SYNE2: variants seen among roughly 807,000 people sequenced by gnomAD.
The protein encoded by SYNE2 is nesprin-2.
SYNE2 carries 431 observed loss-of-function variants against 856.3 expected under a neutral mutation model. The ratio of observed to expected loss-of-function variants is 0.50; its 90% CI spans 0.47 to 0.55. The LOEUF (loss-of-function observed/expected upper bound fraction) is 0.55. Among genes scored for constraint, SYNE2 ranks in the 20% least tolerant of loss-of-function variants. SYNE2 has a pLI of 0.00. For synonymous variants in SYNE2, 2,923 were observed against 2,872.3 expected, an observed-to-expected ratio of 1.02 and a Z score of -0.56; for missense variants, 8,129 against 8,023.2, an observed-to-expected ratio of 1.01 and a Z score of -0.50.
In SYNE2 at chr14:64,199,516, G is replaced by A. The variant is rs529145606; in HGVS notation, c.18039-3285G>A. ...GTGGATCACTTGAGGTCAGGAGTTCGAGACCAGCCTGGCCAACATGGGGAA... is the reference window on the plus strand; with the variant it reads ...GTGGATCACTTGAGGTCAGGAGTTCAAGACCAGCCTGGCCAACATGGGGAA... On this transcript the variant is annotated intron_variant, in intron 99 of 115. Transcript: ENST00000555002. Among the ~76,000 whole-genome samples, 6 of 152,088 alleles carry A rather than the reference G, an allele frequency of 3.9e-5. No individual in the cohort carries two copies. The South Asian group carries it at 8.3e-4, about 21-fold the overall frequency.
chr14:64,052,687 A>G lies in SYNE2; in HGVS notation c.8774A>G (p.Asn2925Ser). 1.2e-6 allele frequency: 2 copies of G among 1,613,914 alleles called. No individual in the cohort carries two copies. Among genetic ancestry groups the G allele is most frequent in the Non-Finnish European group, 1.7e-6 (2 of 1,179,898 alleles). ...DQLKNLKIRTNRIQRFIQNTC... is the reference protein window; with the variant it reads ...DQLKNLKIRTSRIQRFIQNTC... ...TTGAAAAATCTTAAGATTAGGACCA[A>G]CAGAATACAAAGATTCATTCAGAAT... Residue 2925 changes from asparagine to serine, a missense_variant, in exon 48 of 116, where the codon AAC (asparagine) becomes AGC (serine). By Grantham distance (46) the Asn-to-Ser change is conservative. Transcript: ENST00000555002.
At chr14:64,136,221 C>T (rs747197019) in intron 78 of SYNE2, among the ~76,000 whole-genome samples, 4 of 141,670 alleles carry the variant, frequency 2.8e-5, no homozygotes, top group African/African-American at 8.0e-5. Context: ...ACCCGGGAGT[C>T]GGAGGCTGCA....
intron 1 of SYNE2, among the ~76,000 whole-genome samples, chr14:63,810,222 CAA>C (rs1258802316): frequency 9.5e-5 from 10 of 105,742 alleles, no homozygotes; most frequent in African/African-American, 1.1e-4. Context: ...GACTCTTTCT[CAA>C]AAAAAAAAAA....
At chr14:64,129,677 T>G (rs1250859454) in intron 74 of SYNE2, 105 bp from the exon 75 acceptor site, 1 of 1,534,170 alleles carries the variant, frequency 6.5e-7, no homozygotes, top group Non-Finnish European at 8.8e-7. Flanking sequence ...GGATTTTTGC[T>G]TTTCCCTTCA....
intron 43 of SYNE2, among the ~76,000 whole-genome samples, chr14:64,028,976 A>G (rs2097006630): frequency 6.6e-6 from 1 of 152,100 alleles, no homozygotes; most frequent in African/African-American, 2.4e-5. Context: ...TCTCTACTAA[A>G]AATACAAAAA....
intron 1 of SYNE2, among the ~76,000 whole-genome samples, chr14:63,786,869 T>A (rs752062053): frequency 6.6e-5 from 10 of 152,134 alleles, no homozygotes; most frequent in Non-Finnish European, 1.5e-4. Context: ...GCTCAAGTGA[T>A]CCTCCCACCT....
chr14:64,107,255 T>C (rs541114462), intron 64 of SYNE2, among the ~76,000 whole-genome samples: 1 of 152,338 alleles, frequency 6.6e-6, no homozygotes, highest in South Asian at 2.1e-4. Context: ...TTCTCTAGAT[T>C]GTTTATGTGC....
chr14:64,138,977 G>GTGTGTA (rs1308599845), intron 79 of SYNE2, among the ~76,000 whole-genome samples: 8 of 134,592 alleles, frequency 5.9e-5, no homozygotes, highest in African/African-American at 2.4e-4. Flanking sequence ...GTGTGTGTGT[G>GTGTGTA]TGTATGTAAT....
intron 82 of SYNE2, 112 bp from the exon 83 acceptor site, chr14:64,143,660 G>T: frequency 9.0e-7 from 1 of 1,104,992 alleles, no homozygotes. Context: ...CCTGACAGGT[G>T]CCCCTTGATT....
chr14:63,977,424 G>A (rs1349211433), intron 12 of SYNE2, among the ~76,000 whole-genome samples: 1 of 152,152 alleles, frequency 6.6e-6, no homozygotes, highest in Non-Finnish European at 1.5e-5. Context: ...GTGTCAGCCA[G>A]GATGGTCTCA....
At chr14:63,980,556 ACT>A (rs1017526361) in intron 14 of SYNE2, 96 bp from the exon 15 acceptor site, 10 of 789,630 alleles carry the variant, frequency 1.3e-5, no homozygotes, top group African/African-American at 5.2e-5. Context: ...AAATTTGGTA[ACT>A]CTGTCCTTCG....
At chr14:64,049,311 T>G (rs1484914089) in intron 46 of SYNE2, 2 of 157,266 alleles carry the variant, frequency 1.3e-5, no homozygotes, top group African/African-American at 4.8e-5. Flanking sequence ...ATTATCTGGG[T>G]GTGGTGACAT....
Position 63,986,469 on chromosome 14 carries a change from A to C in SYNE2, c.2165A>C (p.His722Pro). The C allele has an allele frequency of 6.2e-7, 1 of 1,614,150 alleles. No homozygotes were observed. Among genetic ancestry groups the C allele is most frequent in the Non-Finnish European group, 8.5e-7 (1 of 1,180,006 alleles). ...YNQNIKAGEK[H>P]EKENEEFTGQ... ...TGAATGTTGTAGGCTGGAGAGAAACATGAAAAAGAAAATGAAGAATTCACA... is the reference window on the plus strand; with the variant it reads ...TGAATGTTGTAGGCTGGAGAGAAACCTGAAAAAGAAAATGAAGAATTCACA... Residue 722 changes from histidine (H) to proline (P), a missense_variant, in exon 19 of 116, where the codon CAT (histidine) becomes CCT (proline). Around this residue, in one of 3 missense-constraint regions of SYNE2, gnomAD observed 2,422 missense variants for 2,357.4 expected, o/e 1.03. Transcript: ENST00000555002.
chr14:64,001,929 C>T lies in SYNE2; in HGVS notation c.3639-5C>T. 1.2e-6 allele frequency: 2 copies of T among 1,614,078 alleles called. No homozygotes were observed. The highest frequency in any genetic ancestry group is 1.1e-5 in the South Asian group (1 of 91,080). Reference sequence around the variant, plus strand: ...CCCCTCATGTCTGATTTACCTTGCACCCAGAATGGAATCTTTAGAGACAGC... The same window carrying T: ...CCCCTCATGTCTGATTTACCTTGCATCCAGAATGGAATCTTTAGAGACAGC... On this transcript the variant is annotated splice_region_variant and splice_polypyrimidine_tract_variant and intron_variant, in intron 28 of 115. Coordinates refer to ENST00000555002, the MANE Select transcript of SYNE2 (RefSeq NM_182914.3).
intron 8 of SYNE2, among the ~76,000 whole-genome samples, chr14:63,961,303 C>T (rs569077036): frequency 6.6e-6 from 1 of 152,266 alleles, no homozygotes; most frequent in Admixed American, 6.5e-5. Context: ...CATACTAGTG[C>T]CAGGATTTAA....
intron 1 of SYNE2, among the ~76,000 whole-genome samples, chr14:63,806,720 T>G (rs913313397): frequency 1.3e-5 from 2 of 152,122 alleles, no homozygotes; most frequent in African/African-American, 4.8e-5. Flanking sequence ...TTTTTAAAAT[T>G]TAACAAATCT....
intron 6 of SYNE2, among the ~76,000 whole-genome samples, chr14:63,944,300 AT>A (rs1264484947): frequency 4.7e-5 from 7 of 147,664 alleles, no homozygotes; most frequent in East Asian, 2.0e-4. Context: ...ATATATATAT[AT>A]ATATATAAAT....
At chr14:63,814,997 C>G (rs1226500601) in intron 1 of SYNE2, among the ~76,000 whole-genome samples, 1 of 62,320 alleles carries the variant, frequency 1.6e-5, no homozygotes, top group African/African-American at 5.0e-5. Flanking sequence ...TATATACATC[C>G]ATATATATCC....
At chr14:63,943,613 GAGAA>G (rs971327077) in intron 6 of SYNE2, among the ~76,000 whole-genome samples, 1 of 151,810 alleles carries the variant, frequency 6.6e-6, no homozygotes. Flanking sequence ...GGATTGGAGA[GAGAA>G]AGAGGCTTAA....
Sources: gnomAD v4.1 joint callset for allele counts (sites outside exome capture counted in the v4.1 genomes callset) on GRCh38, gnomAD v4.1.1 for gene constraint, gnomAD v4.1.1 regional missense constraint, MANE v1.5 for transcripts, NCBI Gene and HGNC (gene_info 2026-07-23, HGNC 2026-07-21) for gene names.